Variants in EPHA3 observed in about 807,000 individuals in gnomAD.
The protein encoded by EPHA3 is EPH receptor A3, also known as ephrin type-A receptor 3.
A neutral mutation model predicts 107.1 loss-of-function variants in EPHA3; 42 were observed. The observed-to-expected ratio is 0.39, with a 90% CI of 0.31 to 0.51. The LOEUF is 0.51. Among genes scored for constraint, EPHA3 ranks in the 20% least tolerant of loss-of-function variants. EPHA3 has a pLI of 0.78. For missense variants in EPHA3, 1,183 were observed against 1,211.2 expected, an observed-to-expected ratio of 0.98 and a Z score of 0.35; for synonymous variants, 461 against 424.8, an observed-to-expected ratio of 1.09 and a Z score of -1.05.
chr3:89,359,953 G>C (rs1157695452), intron 5 of EPHA3, among the ~76,000 whole-genome samples: 3 of 148,878 alleles, frequency 2.0e-5, no homozygotes, highest in African/African-American at 7.3e-5. Context: ...TACTGTACTG[G>C]GCATTTTCGA....
chr3:89,191,857 A>T (rs2107142121), intron 2 of EPHA3, among the ~76,000 whole-genome samples: 1 of 152,324 alleles, frequency 6.6e-6, no homozygotes, highest in South Asian at 2.1e-4. Flanking sequence ...AGCTTCTCTT[A>T]GTAAATGTTA....
chr3:89,236,997 AATGAATCAATGC>A (rs1704780338), intron 3 of EPHA3, among the ~76,000 whole-genome samples: 1 of 152,220 alleles, frequency 6.6e-6, no homozygotes. Flanking sequence ...ATTATGAATC[AATGAATCAATGC>A]ATGGATCGAA....
rs1036644925 is a variant in EPHA3 at position 89,187,418 on chromosome 3, G to A, written c.154-22442G>A. Among the ~76,000 whole-genome samples, 106 of 149,300 alleles carry A rather than the reference G, an allele frequency of 7.1e-4. 2 individuals carry two copies. Among genetic ancestry groups the A allele is most frequent in the Admixed American group, 7.0e-3 (104 of 14,928 alleles). On this transcript the variant is annotated intron_variant, in intron 2 of 16. Transcript: ENST00000336596. The stretch of plus-strand genomic sequence containing the variant: ...ATTTATTTATATATTATTCATAAGT[G>A]TATAAAGCTATACATGTATTATGTA...
rs528237790 is a variant in EPHA3, at chr3:89,280,409, G to A, written c.815-60507G>A. Among the ~76,000 whole-genome samples the A allele has an allele frequency of 2.6e-5, 4 of 152,186 alleles. No individual in the cohort carries two copies. The South Asian group carries it at 8.3e-4, about 32-fold the overall frequency. ...GTTGAAGTAAAAAAATGGGGTTGGG[G>A]TTAGGCAAAGTGTGGCACAGTCGTC... On this transcript the variant is annotated intron_variant, in intron 3 of 16. Coordinates refer to ENST00000336596, the MANE Select transcript of EPHA3 (RefSeq NM_005233.6).
intron 5 of EPHA3, among the ~76,000 whole-genome samples, chr3:89,358,984 A>G (rs1158934472): frequency 5.3e-5 from 8 of 151,234 alleles, no homozygotes; most frequent in Non-Finnish European, 1.5e-5. Flanking sequence ...AAAACTCACC[A>G]CATTAATCTG....
chr3:89,397,709 A>G (rs550442178), intron 6 of EPHA3, among the ~76,000 whole-genome samples: 28 of 149,600 alleles, frequency 1.9e-4, no homozygotes, highest in Admixed American at 6.8e-5. Flanking sequence ...TCAGCCTCCC[A>G]AGTAGCTGGG....
At chr3:89,440,835 A>G (rs1454067067) in intron 13 of EPHA3, among the ~76,000 whole-genome samples, 2 of 152,204 alleles carry the variant, frequency 1.3e-5, no homozygotes, top group African/African-American at 2.4e-5. Context: ...GTAAAACTCT[A>G]TAGACGTAAA....
chr3:89,401,293 C>G (rs1708957689), intron 7 of EPHA3, among the ~76,000 whole-genome samples: 1 of 152,160 alleles, frequency 6.6e-6, no homozygotes, highest in African/African-American at 2.4e-5. Context: ...CTGCTCATAG[C>G]TGAACCATGA....
chr3:89,434,448 T>A (rs767336940), intron 13 of EPHA3, among the ~76,000 whole-genome samples: 88 of 152,128 alleles, frequency 5.8e-4, no homozygotes, highest in Non-Finnish European at 1.1e-3. Flanking sequence ...AAACTGCTGA[T>A]CTCAGGTGAT....
At chr3:89,333,686 AG>A (rs1707337592) in intron 3 of EPHA3, among the ~76,000 whole-genome samples, 2 of 152,136 alleles carry the variant, frequency 1.3e-5, no homozygotes, top group African/African-American at 4.8e-5. Flanking sequence ...CAGCCTGACC[AG>A]TATGGTGAAA....
intron 2 of EPHA3, among the ~76,000 whole-genome samples, chr3:89,168,296 T>C: frequency 6.6e-6 from 1 of 152,274 alleles, no homozygotes. Flanking sequence ...GTGCCAAACA[T>C]AGATCTTGAT....
intron 3 of EPHA3, among the ~76,000 whole-genome samples, chr3:89,236,951 A>T (rs954598641): frequency 3.9e-5 from 6 of 152,208 alleles, no homozygotes; most frequent in African/African-American, 1.4e-4. Context: ...TGCATGATAG[A>T]TTTACAGATA....
chr3:89,438,094 TG>T (rs1330627301), intron 13 of EPHA3, among the ~76,000 whole-genome samples: 1 of 152,084 alleles, frequency 6.6e-6, no homozygotes, highest in Non-Finnish European at 1.5e-5. Context: ...ATTTCATTTT[TG>T]TTTTTTTGTT....
chr3:89,303,385 A>G (rs1173654369), intron 3 of EPHA3, among the ~76,000 whole-genome samples: 1 of 149,426 alleles, frequency 6.7e-6, no homozygotes, highest in Non-Finnish European at 1.5e-5. Flanking sequence ...TTATTTATAT[A>G]TTTTCTCTTT....
At chr3:89,449,411 GA>G in intron 14 of EPHA3, 37 bp downstream of exon 14, 1 of 1,513,254 alleles carries the variant, frequency 6.6e-7, no homozygotes. Context: ...GAGTTCAGAT[GA>G]AAAGATCAAG....
intron 3 of EPHA3, among the ~76,000 whole-genome samples, chr3:89,245,456 TG>T: frequency 6.6e-6 from 1 of 152,208 alleles, no homozygotes; most frequent in Non-Finnish European, 1.5e-5. Context: ...TTATATAACT[TG>T]TAATTGATGA....
intron 11 of EPHA3, among the ~76,000 whole-genome samples, chr3:89,422,426 G>A (rs1368518573): frequency 6.6e-6 from 1 of 151,242 alleles, no homozygotes; most frequent in Non-Finnish European, 1.5e-5. Context: ...TCAAAAGCAG[G>A]CATATCAGTA....
Position 89,310,143 on chromosome 3 carries a change from G to A in EPHA3, c.815-30773G>A, listed in dbSNP as rs77773636. 1.1e-3 allele frequency among the ~76,000 whole-genome samples: 166 copies of A among 152,110 alleles called. 1 individual carries two copies. Among genetic ancestry groups the A allele is most frequent in the African/African-American group, 3.9e-3 (160 of 41,514 alleles). On this transcript the variant is annotated intron_variant, in intron 3 of 16. Transcript: ENST00000336596. ...CTCTCAGCAGAGTTTTTAATGAGCTGGTACCTGTATAGCCCTTTGAGCAGT... is the reference window on the plus strand; with the variant it reads ...CTCTCAGCAGAGTTTTTAATGAGCTAGTACCTGTATAGCCCTTTGAGCAGT...
At chr3:89,195,297 T>C (rs1168833949) in intron 2 of EPHA3, among the ~76,000 whole-genome samples, 1 of 152,042 alleles carries the variant, frequency 6.6e-6, no homozygotes, top group African/African-American at 2.4e-5. Flanking sequence ...GACAGGTTCA[T>C]AAAAAACAGG....
Sources: allele counts gnomAD v4.1 joint callset (sites outside exome capture counted in the v4.1 genomes callset), GRCh38; gene constraint gnomAD v4.1.1; transcripts MANE v1.5; gene names NCBI Gene and HGNC (gene_info 2026-07-23, HGNC 2026-07-21).